CNTN5: variants seen among roughly 807,000 people sequenced by gnomAD.
CNTN5 encodes contactin 5, also known as contactin-5.
In CNTN5, 77 loss-of-function variants were observed where a neutral mutation model predicts 129.1. The observed-to-expected ratio is 0.60, with a 90% CI of 0.50 to 0.72. The LOEUF (loss-of-function observed/expected upper bound fraction) is 0.72. Among genes scored for constraint, CNTN5 ranks in the 30% least tolerant of loss-of-function variants. The pLI, the probability that CNTN5 is intolerant of heterozygous loss-of-function variation, is 0.00. For synonymous variants in CNTN5, 509 were observed against 465.6 expected, an observed-to-expected ratio of 1.09 and a Z score of -1.20; for missense variants, 1,478 against 1,328.8, an observed-to-expected ratio of 1.11 and a Z score of -1.75.
intron 15 of CNTN5, among the ~76,000 whole-genome samples, chr11:100,223,153 T>A (rs1949300653): frequency 6.6e-6 from 1 of 152,122 alleles, no homozygotes; most frequent in Admixed American, 6.6e-5. Flanking sequence ...TGGACAAATA[T>A]CACATTCCTT....
chr11:99,760,770 TG>T (rs2135275784), intron 3 of CNTN5, among the ~76,000 whole-genome samples: 1 of 152,216 alleles, frequency 6.6e-6, no homozygotes, highest in African/African-American at 2.4e-5. Flanking sequence ...TAACTATGTC[TG>T]GTTCATATAA....
chr11:100,006,627 T>C (rs182443301), intron 9 of CNTN5, among the ~76,000 whole-genome samples: 4 of 152,298 alleles, frequency 2.6e-5, no homozygotes, highest in African/African-American at 7.2e-5. Context: ...GTTCTTGTTA[T>C]CTTGCTGTTT....
intron 3 of CNTN5, among the ~76,000 whole-genome samples, chr11:99,658,966 A>G (rs909108285): frequency 3.3e-5 from 5 of 151,736 alleles, no homozygotes; most frequent in South Asian, 2.1e-4. Context: ...TTTAGGATCA[A>G]TCTCCTACAC....
chr11:99,210,738 C>A (rs1370428883), intron 1 of CNTN5, among the ~76,000 whole-genome samples: 1 of 152,082 alleles, frequency 6.6e-6, no homozygotes, highest in Non-Finnish European at 1.5e-5. Context: ...CTGTTCCACA[C>A]CCACATAGTA....
At chr11:100,126,221 G>A (rs1012873023) in intron 13 of CNTN5, among the ~76,000 whole-genome samples, 1 of 151,998 alleles carries the variant, frequency 6.6e-6, no homozygotes, top group African/African-American at 2.4e-5. Flanking sequence ...TTCCTGGGCA[G>A]ATCTTGGAGT....
At chr11:100,094,896 T>G (rs1176801127) in intron 13 of CNTN5, among the ~76,000 whole-genome samples, 3 of 152,136 alleles carry the variant, frequency 2.0e-5, no homozygotes, top group African/African-American at 7.2e-5. Flanking sequence ...TATGAGAATT[T>G]GTTGCTCACC....
intron 21 of CNTN5, among the ~76,000 whole-genome samples, chr11:100,333,130 C>T (rs1465221175): frequency 1.3e-5 from 2 of 151,998 alleles, no homozygotes; most frequent in African/African-American, 4.8e-5. Context: ...TGCTATATGC[C>T]AACAGCAGCC....
intron 1 of CNTN5, among the ~76,000 whole-genome samples, chr11:99,032,533 T>G (rs1427761282): frequency 6.6e-6 from 1 of 151,974 alleles, no homozygotes; most frequent in African/African-American, 2.4e-5. Context: ...GTGAGCATTT[T>G]TTCATGTGTT....
intron 2 of CNTN5, among the ~76,000 whole-genome samples, chr11:99,428,864 G>A (rs1172778467): frequency 6.6e-6 from 1 of 151,940 alleles, no homozygotes; most frequent in South Asian, 2.1e-4. Context: ...ATCTAAACAA[G>A]AACTTTAAGG....
chr11:100,165,866 A>T (rs1158854927), intron 13 of CNTN5, among the ~76,000 whole-genome samples: 3 of 151,762 alleles, frequency 2.0e-5, no homozygotes, highest in Non-Finnish European at 4.4e-5. Context: ...CATACAGAAA[A>T]ATGGGGGCTC....
rs7122498 is a variant in CNTN5, at chr11:99,439,623, G to A, written c.-71+114139G>A. On this transcript the variant is annotated intron_variant, in intron 2 of 24. Transcript: ENST00000524871. ...TTCAGGAGGCTGAGGCAGGAGAATC[G>A]CTTGAACCCGGAAGGCGGAGGTTGC... is the stretch of plus-strand genomic sequence containing the variant. 8.0e-3 allele frequency among the ~76,000 whole-genome samples: 1,151 copies of A among 144,022 alleles called. 15 individuals are homozygous for A. Among genetic ancestry groups the A allele is most frequent in the African/African-American group, 0.027 (1,060 of 38,884 alleles). 94.5% of individuals were successfully genotyped at this position (144,022 alleles called of 152,430 possible). A position where few individuals can be genotyped will look rare whatever the true frequency, so the allele number is the denominator to read the frequency against.
intron 3 of CNTN5, among the ~76,000 whole-genome samples, chr11:99,747,751 C>T (rs544715540): frequency 6.6e-6 from 1 of 152,286 alleles, no homozygotes; most frequent in Admixed American, 6.5e-5. Context: ...GGATTACAGG[C>T]ATGAGCCACG....
intron 6 of CNTN5, among the ~76,000 whole-genome samples, chr11:99,889,213 T>A (rs1044986716): frequency 6.6e-6 from 1 of 152,092 alleles, no homozygotes; most frequent in Non-Finnish European, 1.5e-5. Flanking sequence ...CCTGCATATA[T>A]TACATTTCCT....
At chr11:99,975,204 C>T (rs1327887297) in intron 8 of CNTN5, among the ~76,000 whole-genome samples, 2 of 152,044 alleles carry the variant, frequency 1.3e-5, no homozygotes, top group Non-Finnish European at 2.9e-5. Flanking sequence ...ACAGTTTTGG[C>T]GCTTTAAGGT....
At chr11:99,039,902 G>T (rs1863920697) in intron 1 of CNTN5, among the ~76,000 whole-genome samples, 1 of 152,082 alleles carries the variant, frequency 6.6e-6, no homozygotes, top group African/African-American at 2.4e-5. Flanking sequence ...AAAATGTGTA[G>T]GAGCTCAGAG....
At chr11:100,037,179 G>T (rs1942068094) in intron 9 of CNTN5, among the ~76,000 whole-genome samples, 1 of 138,344 alleles carries the variant, frequency 7.2e-6, no homozygotes, top group African/African-American at 2.8e-5. Context: ...TTAGCATGAA[G>T]GTTGTTGAAT....
chr11:99,748,023 T>A (rs1944112353), intron 3 of CNTN5, among the ~76,000 whole-genome samples: 1 of 152,184 alleles, frequency 6.6e-6, no homozygotes, highest in African/African-American at 2.4e-5. Flanking sequence ...TATTGATTTG[T>A]GTTTGTTGAG....
intron 18 of CNTN5, among the ~76,000 whole-genome samples, chr11:100,284,858 G>C (rs1008969544): frequency 6.6e-6 from 1 of 152,130 alleles, no homozygotes; most frequent in Non-Finnish European, 1.5e-5. Context: ...ATGCTTATGT[G>C]TGTATGTATC....
chr11:99,357,861 C>A (rs1938791260), intron 2 of CNTN5, among the ~76,000 whole-genome samples: 1 of 151,040 alleles, frequency 6.6e-6, no homozygotes, highest in Non-Finnish European at 1.5e-5. Flanking sequence ...CTAGTGTCTC[C>A]TTTGAAACAC....
Sources: allele counts gnomAD v4.1 joint callset (sites outside exome capture counted in the v4.1 genomes callset), GRCh38; gene constraint gnomAD v4.1.1; transcripts MANE v1.5; gene names NCBI Gene and HGNC (gene_info 2026-07-23, HGNC 2026-07-21).